Variants in MAP3K4 observed in about 807,000 individuals in gnomAD.
MAP3K4 encodes the protein mitogen-activated protein kinase kinase kinase 4.
A neutral mutation model predicts 185.6 loss-of-function variants in MAP3K4; 67 were observed. That is an observed-to-expected ratio of 0.36 (90% CI 0.30 to 0.44). The LOEUF is 0.44. Ranked by LOEUF, MAP3K4 falls within the 20% of genes least tolerant of loss-of-function variation. The probability of loss-of-function intolerance (pLI) is 1.00; values close to 1 mark genes in which losing one functional copy is unlikely to be tolerated. For missense variants in MAP3K4, 1,551 were observed against 1,995.1 expected (o/e 0.78, Z 4.24); for synonymous variants, 702 against 710.4 (o/e 0.99, Z 0.19).
intron 1 of MAP3K4, among the ~76,000 whole-genome samples, chr6:160,995,222 T>G (rs926517611): frequency 2.6e-5 from 4 of 152,244 alleles, no homozygotes; most frequent in African/African-American, 9.6e-5. Context: ...TTTTTTCTTA[T>G]GTTTGTTGAA....
intron 1 of MAP3K4, among the ~76,000 whole-genome samples, chr6:161,004,278 C>A (rs928560057): frequency 6.6e-6 from 1 of 152,022 alleles, no homozygotes; most frequent in African/African-American, 2.4e-5. Flanking sequence ...TGTCTAATAT[C>A]GAACAAAGTA....
chr6:161,094,690 G>T (rs1390231805), intron 15 of MAP3K4, among the ~76,000 whole-genome samples: 1 of 152,104 alleles, frequency 6.6e-6, no homozygotes, highest in African/African-American at 2.4e-5. Context: ...TCAGTAGAAT[G>T]GGTTTTAATT....
At chr6:161,009,032 T>C (rs946646803) in intron 1 of MAP3K4, among the ~76,000 whole-genome samples, 4 of 151,328 alleles carry the variant, frequency 2.6e-5, no homozygotes, top group Non-Finnish European at 5.9e-5. Context: ...GTCACCAGGC[T>C]GGAGTGCAGT....
At chr6:161,018,284 T>C (rs1400434974) in intron 1 of MAP3K4, among the ~76,000 whole-genome samples, 3 of 152,080 alleles carry the variant, frequency 2.0e-5, no homozygotes, top group African/African-American at 7.2e-5. Context: ...GAGTCGTTGA[T>C]GAGTAGATTG....
chr6:161,085,142 T>A (rs1785642770), intron 7 of MAP3K4, among the ~76,000 whole-genome samples: 1 of 57,892 alleles, frequency 1.7e-5, no homozygotes. Context: ...CAAGACTCCG[T>A]CTCAAAAAAA....
At position 161,064,690 on chromosome 6, in the gene MAP3K4, G is replaced by C. The variant is rs1301827151; in HGVS notation, c.1708-5918G>C. On this transcript the variant is annotated intron_variant, in intron 3 of 26. Transcript: ENST00000392142. The surrounding 1 kb of genome is among the most constrained non-coding windows in gnomAD (Gnocchi z 4.3). ...TGGATTTGTCAAATCCACACAACAT[G>C]ACATCAGAATTATTATTGTAATTAC... Among the ~76,000 whole-genome samples the C allele has an allele frequency of 6.6e-6, 1 of 152,120 alleles. No homozygotes were observed. The highest frequency in any genetic ancestry group is 2.4e-5 in the African/African-American group (1 of 41,422).
chr6:161,060,204 T>G (rs540612831), intron 3 of MAP3K4, among the ~76,000 whole-genome samples: 1 of 152,356 alleles, frequency 6.6e-6, no homozygotes, highest in East Asian at 1.9e-4. Context: ...ATTTCATTTA[T>G]TAGATATTGC....
chr6:161,073,028 G>A lies in MAP3K4; in HGVS notation c.1951-438G>A, dbSNP rs1002667577. On this transcript the variant is annotated intron_variant, in intron 4 of 26. Coordinates refer to ENST00000392142, the MANE Select transcript of MAP3K4 (RefSeq NM_005922.4). The surrounding 1 kb of genome is among the most constrained non-coding windows in gnomAD (Gnocchi z 4.2). ...TAGGTAAACTATGCTAAATTATTGC[G>A]AAGGCCACCTGCTTTGTGGTAAAAA... is the stretch of plus-strand genomic sequence containing the variant. 2.0e-5 allele frequency among the ~76,000 whole-genome samples: 3 copies of A among 152,086 alleles called. No individual in the cohort carries two copies. The highest frequency in any genetic ancestry group is 2.9e-5 in the Non-Finnish European group (2 of 68,016).
At position 161,103,387 on chromosome 6, in the gene MAP3K4, A is replaced by G. The variant is rs1220223885; in HGVS notation, c.3856+608A>G. ...GCAGCTTCCCTTTGAACTTTGTGTGACTGACCAGAAGAGTATTTGTCTTCC... is the reference window on the plus strand; with the variant it reads ...GCAGCTTCCCTTTGAACTTTGTGTGGCTGACCAGAAGAGTATTTGTCTTCC... On this transcript the variant is annotated intron_variant, in intron 19 of 26. Coordinates refer to ENST00000392142, the MANE Select transcript of MAP3K4 (RefSeq NM_005922.4). The surrounding 1 kb of genome is among the most constrained non-coding windows in gnomAD (Gnocchi z 4.6). Among the ~76,000 whole-genome samples, 1 of 152,180 alleles carries G rather than the reference A, an allele frequency of 6.6e-6. No individual in the cohort carries two copies. The highest frequency in any genetic ancestry group is 1.5e-5 in the Non-Finnish European group (1 of 68,034).
intron 3 of MAP3K4, among the ~76,000 whole-genome samples, chr6:161,055,261 T>A (rs1784180271): frequency 6.6e-6 from 1 of 152,206 alleles, no homozygotes; most frequent in South Asian, 2.1e-4. Context: ...TTCCCAGCAG[T>A]TACTGTAGCT....
chr6:161,057,795 A>G (rs1482002537), intron 3 of MAP3K4, among the ~76,000 whole-genome samples: 1 of 152,256 alleles, frequency 6.6e-6, no homozygotes, highest in Non-Finnish European at 1.5e-5. Context: ...AGAACTTTGT[A>G]ATTGAATGAC....
At chr6:161,057,764 G>C (rs976266055) in intron 3 of MAP3K4, among the ~76,000 whole-genome samples, 1 of 152,150 alleles carries the variant, frequency 6.6e-6, no homozygotes, top group African/African-American at 2.4e-5. Flanking sequence ...ATCATTCCCT[G>C]TCTGATTTCA....
Position 161,114,732 on chromosome 6 carries a change from G to A in MAP3K4, c.4627-391G>A, listed in dbSNP as rs1371045675. Among the ~76,000 whole-genome samples, 1 of 152,078 alleles carries A rather than the reference G, an allele frequency of 6.6e-6. No individual in the cohort carries two copies. Reference sequence around the variant, plus strand: ...GGTAGCATATTAACCATCCCTATAAGAGAATTGGGTTTTATAGACTTTTTT... The same window carrying A: ...GGTAGCATATTAACCATCCCTATAAAAGAATTGGGTTTTATAGACTTTTTT... On this transcript the variant is annotated intron_variant, in intron 25 of 26. Transcript: ENST00000392142. The surrounding 1 kb of genome is among the most constrained non-coding windows in gnomAD (Gnocchi z 4.3).
rs1445709451 is a variant in MAP3K4, at chr6:161,037,741, CACTT to C, written c.343+3296_343+3299del. 6.6e-6 allele frequency among the ~76,000 whole-genome samples: 1 copy of C among 152,180 alleles called. No homozygotes were observed. The highest frequency in any genetic ancestry group is 1.5e-5 in the Non-Finnish European group (1 of 68,026). On this transcript the variant is annotated intron_variant, in intron 2 of 26. Transcript: ENST00000392142. The surrounding 1 kb of genome is among the most constrained non-coding windows in gnomAD (Gnocchi z 4.2). ...TTGTAAAGTCAGGATTTCTTCCCAA[CACTT>C]ACTACTTTTTTTCTTGACTTAAATC...
At chr6:161,058,933 C>G (rs529161524) in intron 3 of MAP3K4, among the ~76,000 whole-genome samples, 118 of 152,216 alleles carry the variant, frequency 7.8e-4, no homozygotes, top group African/African-American at 2.8e-3. Flanking sequence ...CCTTTATGAA[C>G]TTATTCTGTT....
At chr6:161,047,250 A>G (rs1232485003) in intron 2 of MAP3K4, among the ~76,000 whole-genome samples, 1 of 144,516 alleles carries the variant, frequency 6.9e-6, no homozygotes, top group East Asian at 2.1e-4. Flanking sequence ...GGACCAGCTT[A>G]GGAAACATAG....
chr6:161,096,763 A>G lies in MAP3K4; in HGVS notation c.3428-317A>G, dbSNP rs1304281980. The G allele has an allele frequency of 4.3e-6, 1 of 234,596 alleles. No homozygotes were observed. The highest frequency in any genetic ancestry group is 8.4e-6 in the Non-Finnish European group (1 of 119,040). The allele number at this position is 234,596 out of a possible 1,614,324, so 14.5% of individuals were successfully genotyped here. On this transcript the variant is annotated intron_variant, in intron 15 of 26. Transcript: ENST00000392142. This position sits in a 1 kb window ranked among gnomAD's most constrained non-coding sequence, Gnocchi z 4.9. Reference sequence around the variant, plus strand: ...TAAAGAACTCCTTTTTATTAGGGAGATACCACATTTTCATGTATCTCTAAA... The same window carrying G: ...TAAAGAACTCCTTTTTATTAGGGAGGTACCACATTTTCATGTATCTCTAAA...
chr6:161,068,866 T>C (rs1316501406), intron 3 of MAP3K4, among the ~76,000 whole-genome samples: 9 of 152,198 alleles, frequency 5.9e-5, no homozygotes, highest in Non-Finnish European at 1.3e-4. Context: ...AAGAAGATAA[T>C]AGCCGTAAAA....
intron 1 of MAP3K4, among the ~76,000 whole-genome samples, chr6:161,005,009 A>G (rs1781509757): frequency 6.6e-6 from 1 of 152,208 alleles, no homozygotes; most frequent in South Asian, 2.1e-4. Context: ...TAAAAACCTT[A>G]TTTAAAACCA....
Sources: gnomAD v4.1 joint callset for allele counts (sites outside exome capture counted in the v4.1 genomes callset) on GRCh38, gnomAD v4.1.1 for gene constraint, Gnocchi (gnomAD v3.1) non-coding constraint, MANE v1.5 for transcripts, NCBI Gene and HGNC (gene_info 2026-07-23, HGNC 2026-07-21) for gene names.